The following HYCC1 variants were observed in gnomAD, a reference collection of about 807,000 sequenced individuals.
The protein encoded by HYCC1 is hyccin PI4KA lipid kinase complex subunit 1, also known as hyccin.
chr7:22,998,329 G>A, the HYCC1 span, among the ~76,000 whole-genome samples: 1 of 152,090 alleles, frequency 6.6e-6, no homozygotes, highest in Non-Finnish European at 1.5e-5. Flanking sequence ...CCTTGACTAA[G>A]ATCATGTACA....
the HYCC1 span, among the ~76,000 whole-genome samples, chr7:22,921,199 C>T: frequency 6.6e-6 from 1 of 152,160 alleles, no homozygotes; most frequent in Non-Finnish European, 1.5e-5. Flanking sequence ...TATAAAACTA[C>T]ATGTATGTAT....
At chr7:23,004,908 C>T in the HYCC1 span, among the ~76,000 whole-genome samples, 8 of 152,066 alleles carry the variant, frequency 5.3e-5, no homozygotes, top group African/African-American at 1.9e-4. Flanking sequence ...CGGGTTCAAG[C>T]GATTCTCCTG....
the HYCC1 span, among the ~76,000 whole-genome samples, chr7:22,990,377 G>GT: frequency 3.3e-4 from 51 of 152,308 alleles, no homozygotes; most frequent in East Asian, 8.5e-3. Context: ...TTGTCAGACT[G>GT]TAACTTTGTC....
the HYCC1 span, among the ~76,000 whole-genome samples, chr7:22,988,443 T>C: frequency 6.6e-6 from 1 of 152,184 alleles, no homozygotes; most frequent in South Asian, 2.1e-4. Context: ...ATATGTTATA[T>C]TGATAAAATA....
chr7:22,934,747 G>C, the HYCC1 span: 2 of 152,160 alleles, frequency 1.3e-5, no homozygotes, highest in Admixed American at 6.6e-5. Context: ...CACAGGCTGT[G>C]GTTAATTACT....
the HYCC1 span, chr7:22,939,064 A>T: frequency 6.6e-6 from 1 of 152,212 alleles, no homozygotes. Context: ...AATGTAAATC[A>T]TCACATACAG....
At chr7:23,007,442 T>A in the HYCC1 span, among the ~76,000 whole-genome samples, 11,362 of 152,162 alleles carry the variant, frequency 0.075, 632 homozygotes, top group East Asian at 0.29. Context: ...AGGGACTAAA[T>A]GAAATTAATT....
At chr7:22,928,840 C>A in the HYCC1 span, among the ~76,000 whole-genome samples, 1 of 151,862 alleles carries the variant, frequency 6.6e-6, no homozygotes, top group Non-Finnish European at 1.5e-5. Context: ...AAAAAAACTA[C>A]TTTAAAGTTC....
the HYCC1 span, among the ~76,000 whole-genome samples, chr7:22,950,322 T>G: frequency 6.6e-6 from 1 of 152,178 alleles, no homozygotes; most frequent in Middle Eastern, 3.4e-3. Context: ...CTACAATTAT[T>G]TATTTATCTT....
the HYCC1 span, among the ~76,000 whole-genome samples, chr7:22,975,792 C>CTGTA: frequency 2.8e-3 from 423 of 152,320 alleles, 3 homozygotes; most frequent in African/African-American, 9.9e-3. Context: ...TCATAGCTCA[C>CTGTA]TGTAGCCTCA....
At chr7:22,983,753 G>A in the HYCC1 span, 16 of 556,550 alleles carry the variant, frequency 2.9e-5, no homozygotes, top group African/African-American at 3.0e-4. Context: ...GAGAGAAAAT[G>A]TTCAGAGATG....
the HYCC1 span, among the ~76,000 whole-genome samples, chr7:22,991,389 C>G: frequency 2.3e-4 from 35 of 151,962 alleles, no homozygotes; most frequent in Non-Finnish European, 3.7e-4. Context: ...TCAGGAATGC[C>G]AGCTGCAAAA....
At chr7:22,952,716 A>C in the HYCC1 span, among the ~76,000 whole-genome samples, 1 of 151,960 alleles carries the variant, frequency 6.6e-6, no homozygotes. Flanking sequence ...CTGAGCATAA[A>C]CTGTGTCCCA....
At chr7:22,954,034 G>T in the HYCC1 span, among the ~76,000 whole-genome samples, 1 of 151,288 alleles carries the variant, frequency 6.6e-6, no homozygotes, top group Non-Finnish European at 1.5e-5. Flanking sequence ...ACTACTTTGG[G>T]GTTTAAAATT....
chr7:22,918,725 AC>A, the HYCC1 span, among the ~76,000 whole-genome samples: 1 of 151,318 alleles, frequency 6.6e-6, no homozygotes. Context: ...GCACCTTGTG[AC>A]CCCCCACCCC....
the HYCC1 span, among the ~76,000 whole-genome samples, chr7:22,972,434 C>G: frequency 6.6e-6 from 1 of 152,158 alleles, no homozygotes; most frequent in Non-Finnish European, 1.5e-5. Flanking sequence ...TAAACAAAAT[C>G]AGAGCTGTCC....
the HYCC1 span, among the ~76,000 whole-genome samples, chr7:23,000,907 CAAAGTT>C: frequency 2.3e-5 from 3 of 129,196 alleles, no homozygotes; most frequent in South Asian, 8.0e-4. Flanking sequence ...AACTACTTGA[CAAAGTT>C]AAAGAAGTTT....
chr7:23,011,373 CA>C, the HYCC1 span, among the ~76,000 whole-genome samples: 1 of 152,184 alleles, frequency 6.6e-6, no homozygotes, highest in Admixed American at 6.5e-5. Context: ...ACTGCTTCCT[CA>C]AATTCAAAAT....
chr7:23,013,758 A>G, the HYCC1 span, among the ~76,000 whole-genome samples: 1 of 150,730 alleles, frequency 6.6e-6, no homozygotes, highest in Non-Finnish European at 1.5e-5. Flanking sequence ...GCACCCACCC[A>G]TGGCGCCTCG....
Sources: gnomAD v4.1 joint callset for allele counts (sites outside exome capture counted in the v4.1 genomes callset) on GRCh38, gnomAD v4.1.1 for gene constraint, MANE v1.5 for transcripts, NCBI Gene and HGNC (gene_info 2026-07-23, HGNC 2026-07-21) for gene names.